The following SRRM4 variants were observed in gnomAD, a reference collection of about 807,000 sequenced individuals.
SRRM4 encodes serine/arginine repetitive matrix 4, also known as serine/arginine repetitive matrix protein 4.
Under a neutral mutation model 68.9 loss-of-function variants are expected in SRRM4, and 33 were observed. The observed-to-expected ratio is 0.48, with a 90% CI of 0.36 to 0.64. The LOEUF is 0.64. Ranked by LOEUF, SRRM4 falls within the 30% of genes least tolerant of loss-of-function variation. The pLI is 0.00. For synonymous variants in SRRM4, 318 were observed against 318.8 expected (o/e 1.00, Z 0.03); for missense variants, 817 against 827.1 (o/e 0.99, Z 0.15).
intron 9 of SRRM4, among the ~76,000 whole-genome samples, chr12:119,149,996 T>G (rs990011856): frequency 4.0e-5 from 6 of 151,834 alleles, no homozygotes; most frequent in African/African-American, 1.2e-4. Flanking sequence ...TTTTGGGAGG[T>G]CTCAATTCCT....
chr12:119,019,742 T>C (rs1423992193), intron 1 of SRRM4, among the ~76,000 whole-genome samples: 1 of 152,176 alleles, frequency 6.6e-6, no homozygotes, highest in Non-Finnish European at 1.5e-5. Context: ...AACATCCCCT[T>C]TCCTGCTATT....
At chr12:119,053,765 G>C (rs1358342737) in intron 1 of SRRM4, among the ~76,000 whole-genome samples, 1 of 150,084 alleles carries the variant, frequency 6.7e-6, no homozygotes, top group Non-Finnish European at 1.5e-5. Flanking sequence ...TTTTAATTTT[G>C]TGGGTATGTA....
At chr12:119,139,359 A>G (rs1381129950) in intron 8 of SRRM4, among the ~76,000 whole-genome samples, 2 of 152,090 alleles carry the variant, frequency 1.3e-5, no homozygotes, top group Admixed American at 1.3e-4. Flanking sequence ...GCTTCCCTCA[A>G]TTGTATCTTC....
chr12:119,069,549 C>T (rs958526968), intron 1 of SRRM4: 1 of 152,202 alleles, frequency 6.6e-6, no homozygotes, highest in African/African-American at 2.4e-5. Context: ...CCCCTGTGTA[C>T]AAAAGGAGAA....
intron 1 of SRRM4, among the ~76,000 whole-genome samples, chr12:119,097,735 T>C (rs1328382524): frequency 6.6e-6 from 1 of 152,218 alleles, no homozygotes. Flanking sequence ...CTGACAATGA[T>C]GGATGAGGCA....
chr12:119,158,172 A>G lies in SRRM4; in HGVS notation c.*1374A>G, dbSNP rs1257960394. Reference sequence around the variant, plus strand: ...GGGAGGTGAGGAATAAGATCCTTAAAATAAACTCTTGGGCATCCCCCTCAC... The same window carrying G: ...GGGAGGTGAGGAATAAGATCCTTAAGATAAACTCTTGGGCATCCCCCTCAC... On this transcript the variant is annotated 3_prime_UTR_variant, in exon 13 of 13. Coordinates refer to ENST00000267260, the MANE Select transcript of SRRM4 (RefSeq NM_194286.4). 1 of 152,706 alleles carries G rather than the reference A, an allele frequency of 6.5e-6. No homozygotes were observed. The highest frequency in any genetic ancestry group is 1.5e-5 in the Non-Finnish European group (1 of 68,080). The allele number at this position is 152,706 out of a possible 1,614,324, so 9.5% of individuals were successfully genotyped here.
chr12:119,059,030 T>A (rs1263021978), intron 1 of SRRM4, among the ~76,000 whole-genome samples: 1 of 152,164 alleles, frequency 6.6e-6, no homozygotes, highest in Non-Finnish European at 1.5e-5. Flanking sequence ...TGGAGACACC[T>A]CTGCCCAGCC....
chr12:119,143,140 G>A (rs1385183004), intron 8 of SRRM4, among the ~76,000 whole-genome samples: 1 of 152,178 alleles, frequency 6.6e-6, no homozygotes, highest in Non-Finnish European at 1.5e-5. Flanking sequence ...AATCTACAAA[G>A]GAATTCCTGC....
chr12:119,017,579 G>A (rs549259034), intron 1 of SRRM4, among the ~76,000 whole-genome samples: 24 of 152,336 alleles, frequency 1.6e-4, no homozygotes, highest in African/African-American at 5.5e-4. Flanking sequence ...GGGAGCAGGG[G>A]AGGAGACGTG....
At chr12:119,074,599 A>G (rs1489823481) in intron 1 of SRRM4, among the ~76,000 whole-genome samples, 5 of 152,194 alleles carry the variant, frequency 3.3e-5, no homozygotes, top group Non-Finnish European at 7.3e-5. Flanking sequence ...CTATATTAGA[A>G]TAAATTGCTG....
chr12:119,082,302 C>A (rs895723826), intron 1 of SRRM4, among the ~76,000 whole-genome samples: 5 of 152,166 alleles, frequency 3.3e-5, no homozygotes, highest in East Asian at 1.9e-4. Context: ...AGCCACCCCC[C>A]ATCCCCGCCT....
chr12:119,094,246 T>A (rs558038646), intron 1 of SRRM4, among the ~76,000 whole-genome samples: 1 of 152,280 alleles, frequency 6.6e-6, no homozygotes, highest in East Asian at 1.9e-4. Flanking sequence ...TTGTCTATGT[T>A]GCTCATCCCT....
chr12:119,143,645 C>T (rs928540235), intron 8 of SRRM4, among the ~76,000 whole-genome samples: 1 of 152,074 alleles, frequency 6.6e-6, no homozygotes, highest in Non-Finnish European at 1.5e-5. Context: ...GCATATAGAC[C>T]CCTCAGCCTG....
intron 1 of SRRM4, among the ~76,000 whole-genome samples, chr12:119,002,097 C>T (rs555114367): frequency 6.6e-6 from 1 of 151,966 alleles, no homozygotes; most frequent in South Asian, 2.1e-4. Context: ...GACCACACTG[C>T]CTATGTGAAA....
intron 8 of SRRM4, among the ~76,000 whole-genome samples, chr12:119,135,075 G>A (rs1043864854): frequency 6.6e-6 from 1 of 152,160 alleles, no homozygotes; most frequent in African/African-American, 2.4e-5. Flanking sequence ...TGAGGTGCTG[G>A]TACCTAGGAA....
Position 119,082,602 on chromosome 12 carries a change from G to A in SRRM4, c.132-19634G>A, listed in dbSNP as rs116757394. On this transcript the variant is annotated intron_variant, in intron 1 of 12. Transcript: ENST00000267260. Reference sequence around the variant, plus strand: ...TAGCTGGTGATTCAGCCCCGCGGGCGCTGTGATGAGATGAAGGCTTCACTT... The same window carrying A: ...TAGCTGGTGATTCAGCCCCGCGGGCACTGTGATGAGATGAAGGCTTCACTT... Among the ~76,000 whole-genome samples the A allele has an allele frequency of 8.8e-3, 1,346 of 152,334 alleles. 21 individuals are homozygous for A. The highest frequency in any genetic ancestry group is 0.031 in the African/African-American group (1,274 of 41,560).
intron 1 of SRRM4, among the ~76,000 whole-genome samples, chr12:119,061,091 C>T (rs1368385853): frequency 1.3e-5 from 2 of 152,216 alleles, no homozygotes; most frequent in South Asian, 4.2e-4. Context: ...GCACATGCAA[C>T]AGCATGTGTG....
In SRRM4 at chr12:119,151,085, G is replaced by A. The variant is rs771567762; in HGVS notation, c.1145G>A (p.Arg382Gln). ...KKSSLVPSTA[R>Q]SSPMKGCSRS... The stretch of plus-strand genomic sequence containing the variant: ...TCCAGTTTGGTCCCATCCACAGCCC[G>A]GAGCTCACCCATGAAAGGGTGTTCC... Residue 382 changes from arginine (R) to glutamine (Q), a missense_variant, in exon 10 of 13, where the codon CGG (arginine) becomes CAG (glutamine). Physicochemically the swap from Arg to Gln is conservative, Grantham distance 43. Coordinates refer to ENST00000267260, the MANE Select transcript of SRRM4 (RefSeq NM_194286.4). 2.8e-5 allele frequency: 45 copies of A among 1,613,784 alleles called. 1 individual carries two copies. Among genetic ancestry groups the A allele is most frequent in the Middle Eastern group, 1.6e-4 (1 of 6,084 alleles).
At chr12:119,037,292 C>A (rs562539143) in intron 1 of SRRM4, among the ~76,000 whole-genome samples, 15 of 152,194 alleles carry the variant, frequency 9.9e-5, no homozygotes, top group Non-Finnish European at 2.1e-4. Context: ...GCGGAAAATG[C>A]CCCAGGAGTT....
Sources: gnomAD v4.1 joint callset for allele counts (sites outside exome capture counted in the v4.1 genomes callset) on GRCh38, gnomAD v4.1.1 for gene constraint, MANE v1.5 for transcripts, NCBI Gene and HGNC (gene_info 2026-07-23, HGNC 2026-07-21) for gene names.